Variants in ABCC4 observed in about 807,000 individuals in gnomAD.
ABCC4 encodes ATP-binding cassette sub-family C member 4.
Under a neutral mutation model 168.5 loss-of-function variants are expected in ABCC4, and 102 were observed. The observed-to-expected ratio is 0.61, with a 90% CI of 0.52 to 0.71. The LOEUF is 0.71. Among genes scored for constraint, ABCC4 ranks in the 30% least tolerant of loss-of-function variants. ABCC4 has a pLI of 0.00. For synonymous variants in ABCC4, 617 were observed against 590.7 expected, an observed-to-expected ratio of 1.04 and a Z score of -0.65; for missense variants, 1,402 against 1,605.8, an observed-to-expected ratio of 0.87 and a Z score of 2.17.
chr13:95,258,940 C>T (rs894640230), intron 1 of ABCC4, among the ~76,000 whole-genome samples: 5 of 152,150 alleles, frequency 3.3e-5, no homozygotes, highest in African/African-American at 9.7e-5. Flanking sequence ...GCCCTGCCTG[C>T]GGGAGGCTGC....
chr13:95,100,826 G>T (rs904659837), intron 20 of ABCC4, among the ~76,000 whole-genome samples: 3 of 152,114 alleles, frequency 2.0e-5, no homozygotes, highest in Non-Finnish European at 4.4e-5. Flanking sequence ...CCTAACTAAC[G>T]ATCTCTTTTG....
intron 30 of ABCC4, among the ~76,000 whole-genome samples, chr13:95,026,739 A>C (rs2031564707): frequency 6.6e-6 from 1 of 152,124 alleles, no homozygotes. Flanking sequence ...GGGAAAAAAA[A>C]TTAGCCAGGT....
intron 30 of ABCC4, among the ~76,000 whole-genome samples, chr13:95,029,213 TAG>T (rs1193218745): frequency 3.0e-4 from 11 of 36,890 alleles, no homozygotes; most frequent in African/African-American, 1.0e-3. Context: ...TATATATATA[TAG>T]AGAGAGAGAG....
At chr13:95,128,150 T>C (rs1328713567) in intron 19 of ABCC4, among the ~76,000 whole-genome samples, 1 of 152,196 alleles carries the variant, frequency 6.6e-6, no homozygotes, top group Non-Finnish European at 1.5e-5. Flanking sequence ...ATCAAATAAC[T>C]TAATCAGAAT....
intron 1 of ABCC4, among the ~76,000 whole-genome samples, chr13:95,260,643 C>G (rs755746463): frequency 1.3e-5 from 2 of 152,072 alleles, no homozygotes; most frequent in Non-Finnish European, 2.9e-5. Context: ...AGCCACACAG[C>G]CAAGACTTAT....
rs1353968391 is a variant in ABCC4, at chr13:95,020,377, A to T, written c.*1198T>A. 6.6e-6 allele frequency: 1 copy of T among 152,444 alleles called. No individual in the cohort carries two copies. Among genetic ancestry groups the T allele is most frequent in the East Asian group, 1.9e-4 (1 of 5,204 alleles). 9.4% of individuals were successfully genotyped at this position (152,444 alleles called of 1,614,324 possible). On this transcript the variant is annotated 3_prime_UTR_variant, in exon 31 of 31. Transcript: ENST00000645237. Reference sequence around the variant, plus strand: ...AACCATAATAGTAAAACCTTTAGTAAACTGAACTCAACATATTACAGCCAC... The same window carrying T: ...AACCATAATAGTAAAACCTTTAGTATACTGAACTCAACATATTACAGCCAC...
intron 18 of ABCC4, chr13:95,161,665 T>C (rs1237403306): frequency 6.1e-6 from 1 of 164,384 alleles, no homozygotes; most frequent in African/African-American, 2.4e-5. Context: ...TTCTCCATAT[T>C]CCAAATCTTA....
At chr13:95,276,253 A>T (rs1039380440) in intron 1 of ABCC4, among the ~76,000 whole-genome samples, 1 of 151,990 alleles carries the variant, frequency 6.6e-6, no homozygotes, top group Non-Finnish European at 1.5e-5. Context: ...GTCCCTACAA[A>T]AAAATTGTTT....
intron 13 of ABCC4, among the ~76,000 whole-genome samples, chr13:95,175,398 C>T (rs2037640910): frequency 1.3e-5 from 2 of 152,138 alleles, no homozygotes; most frequent in Non-Finnish European, 2.9e-5. Flanking sequence ...CTGCAACCTC[C>T]ACCTCCTGGG....
intron 3 of ABCC4, among the ~76,000 whole-genome samples, chr13:95,238,065 C>T (rs1043956028): frequency 6.6e-6 from 1 of 151,522 alleles, no homozygotes; most frequent in African/African-American, 2.4e-5. Context: ...TATGGTGGCT[C>T]GCACCTGTAA....
chr13:95,075,297 C>A, intron 22 of ABCC4, 135 bp downstream of exon 22: 1 of 1,173,648 alleles, frequency 8.5e-7, no homozygotes, highest in East Asian at 2.4e-5. Flanking sequence ...GGGAAGGAGA[C>A]GAAGATGCGC....
chr13:95,290,775 C>A (rs1210002632), intron 1 of ABCC4, among the ~76,000 whole-genome samples: 9 of 148,734 alleles, frequency 6.1e-5, no homozygotes, highest in African/African-American at 1.7e-4. Context: ...CGCCATTGCA[C>A]TCCAGCCTGG....
At chr13:95,092,304 C>A (rs1286529876) in intron 20 of ABCC4, among the ~76,000 whole-genome samples, 1 of 152,086 alleles carries the variant, frequency 6.6e-6, no homozygotes, top group African/African-American at 2.4e-5. Flanking sequence ...TACCTTGGAA[C>A]AAATGGACTT....
intron 9 of ABCC4, among the ~76,000 whole-genome samples, chr13:95,191,115 C>T (rs1388773281): frequency 6.6e-6 from 1 of 152,200 alleles, no homozygotes; most frequent in Non-Finnish European, 1.5e-5. Context: ...AGTTACTCAT[C>T]AACCCCTCTC....
chr13:95,286,091 T>TTGC (rs1214888460), intron 1 of ABCC4, among the ~76,000 whole-genome samples: 2 of 147,328 alleles, frequency 1.4e-5, no homozygotes, highest in East Asian at 4.1e-4. Flanking sequence ...TTCAGCCTTG[T>TTGC]TGCTCTGCTG....
At chr13:95,195,125 T>G (rs931398716) in intron 8 of ABCC4, among the ~76,000 whole-genome samples, 188 bp from the exon 9 acceptor site, 24 of 151,808 alleles carry the variant, frequency 1.6e-4, no homozygotes, top group African/African-American at 5.3e-4. Context: ...ATGTAAAGAG[T>G]TCATGGCCAT....
chr13:95,181,342 G>A (rs530217710), intron 11 of ABCC4, among the ~76,000 whole-genome samples: 1 of 152,232 alleles, frequency 6.6e-6, no homozygotes, highest in Admixed American at 6.5e-5. Flanking sequence ...TCAGAGAGCA[G>A]GGCTCTCCAG....
chr13:95,080,331 A>C (rs1169059781), intron 21 of ABCC4, among the ~76,000 whole-genome samples: 4 of 152,190 alleles, frequency 2.6e-5, no homozygotes, highest in African/African-American at 2.4e-5. Context: ...TCTATGACTG[A>C]CTGTTGATGT....
intron 1 of ABCC4, among the ~76,000 whole-genome samples, chr13:95,265,809 G>A (rs870004): frequency 0.23 from 34,271 of 151,994 alleles, 4,525 homozygotes; most frequent in African/African-American, 0.36. Flanking sequence ...CATGGCTTCC[G>A]TACAGATTGA....
Sources: gnomAD v4.1 joint callset for allele counts (sites outside exome capture counted in the v4.1 genomes callset) on GRCh38, gnomAD v4.1.1 for gene constraint, MANE v1.5 for transcripts, NCBI Gene and HGNC (gene_info 2026-07-23, HGNC 2026-07-21) for gene names.